The following CCDC171 variants were observed in gnomAD, a reference collection of about 807,000 sequenced individuals.
The protein encoded by CCDC171 is coiled-coil domain-containing protein 171.
In CCDC171, 177 loss-of-function variants were observed where a neutral mutation model predicts 168.2. The observed-to-expected ratio is 1.05, with a 90% CI of 0.93 to 1.19. The LOEUF (loss-of-function observed/expected upper bound fraction) is 1.19, where lower values mean the gene tolerates loss of function less well. Among genes scored for constraint, CCDC171 ranks in the 50% most tolerant of loss-of-function variants. The pLI is 0.00. For synonymous variants in CCDC171, 687 were observed against 540.8 expected (o/e 1.27, Z -3.75); for missense variants, 1,991 against 1,539.0 (o/e 1.29, Z -4.91).
At chr9:15,824,368 A>G (rs889374301) in intron 21 of CCDC171, among the ~76,000 whole-genome samples, 4 of 151,982 alleles carry the variant, frequency 2.6e-5, no homozygotes, top group Non-Finnish European at 5.9e-5. Flanking sequence ...ATATGTGTAT[A>G]TATATGTCTG....
intron 25 of CCDC171, among the ~76,000 whole-genome samples, chr9:15,965,564 C>G (rs1830712985): frequency 6.6e-6 from 1 of 152,216 alleles, no homozygotes; most frequent in South Asian, 2.1e-4. Flanking sequence ...CTGATTGAGT[C>G]ACTGTGAGAA....
At chr9:15,920,453 CTT>C in intron 25 of CCDC171, 31 bp downstream of exon 25, 1 of 1,478,478 alleles carries the variant, frequency 6.8e-7, no homozygotes, top group Non-Finnish European at 9.3e-7. Context: ...ATTTTTATAA[CTT>C]TTTGAATCTT....
intron 24 of CCDC171, among the ~76,000 whole-genome samples, chr9:15,908,149 TACTGGGTATATACCCAAA>T (rs1823006385): frequency 1.3e-5 from 2 of 151,754 alleles, no homozygotes; most frequent in Non-Finnish European, 2.9e-5. Context: ...GCCATCCCAT[TACTGGGTATATACCCAAA>T]GGACTATAAA....
chr9:15,868,251 C>G (rs2061874183), intron 23 of CCDC171, among the ~76,000 whole-genome samples: 1 of 152,028 alleles, frequency 6.6e-6, no homozygotes, highest in Middle Eastern at 3.2e-3. Flanking sequence ...TTACCTCCCA[C>G]TTTTCAAATT....
At chr9:15,836,816 C>G (rs1193347796) in intron 21 of CCDC171, among the ~76,000 whole-genome samples, 1 of 152,152 alleles carries the variant, frequency 6.6e-6, no homozygotes, top group African/African-American at 2.4e-5. Context: ...AGGACACCAC[C>G]GATTTACATC....
downstream of CCDC171, chr9:15,974,070 G>A (rs1330210254): frequency 3.9e-5 from 6 of 151,978 alleles, no homozygotes; most frequent in African/African-American, 1.5e-4. Flanking sequence ...GGTACATTTT[G>A]TACAGTGAAT....
At chr9:16,086,677 T>C in the CCDC171 span, among the ~76,000 whole-genome samples, 1 of 152,198 alleles carries the variant, frequency 6.6e-6, no homozygotes, top group Non-Finnish European at 1.5e-5. Context: ...CCTAGATTCA[T>C]TGAGTTTTTG....
intron 11 of CCDC171, among the ~76,000 whole-genome samples, chr9:15,697,489 T>C (rs968175052): frequency 5.9e-5 from 9 of 152,186 alleles, no homozygotes; most frequent in Non-Finnish European, 1.2e-4. Flanking sequence ...CTGGTTTCAT[T>C]CCTCCTATTG....
At chr9:15,945,699 T>C (rs1400453342) in intron 25 of CCDC171, among the ~76,000 whole-genome samples, 1 of 151,122 alleles carries the variant, frequency 6.6e-6, no homozygotes, top group Non-Finnish European at 1.5e-5. Flanking sequence ...TGTCTGTTCA[T>C]GTCCTTCACC....
intron 6 of CCDC171, among the ~76,000 whole-genome samples, chr9:16,024,304 A>T (rs1464490669): frequency 6.6e-6 from 1 of 152,198 alleles, no homozygotes; most frequent in Non-Finnish European, 1.5e-5. Flanking sequence ...CAATACCTTA[A>T]TCCTATCCTA....
chr9:16,106,297 A>G, the CCDC171 span, among the ~76,000 whole-genome samples: 1 of 152,216 alleles, frequency 6.6e-6, no homozygotes, highest in Non-Finnish European at 1.5e-5. Flanking sequence ...GGCAGCTGTC[A>G]TGGGGAGAAA....
At chr9:15,582,295 G>C (rs891989061) in intron 4 of CCDC171, among the ~76,000 whole-genome samples, 12 of 152,144 alleles carry the variant, frequency 7.9e-5, no homozygotes, top group African/African-American at 2.9e-4. Flanking sequence ...CTGGAGAGGA[G>C]ATGTGGAGAA....
chr9:15,635,548 A>G (rs1197995885), intron 7 of CCDC171, among the ~76,000 whole-genome samples: 1 of 152,162 alleles, frequency 6.6e-6, no homozygotes, highest in Admixed American at 6.6e-5. Context: ...CCATGCTGGC[A>G]GCTGATTAGA....
chr9:15,913,111 T>C (rs755610216), intron 24 of CCDC171, among the ~76,000 whole-genome samples: 3 of 152,256 alleles, frequency 2.0e-5, no homozygotes, highest in Non-Finnish European at 4.4e-5. Context: ...TCAGAAGGAA[T>C]GGTCCAGCTC....
intron 25 of CCDC171, among the ~76,000 whole-genome samples, chr9:15,926,497 T>G (rs1825911288): frequency 6.6e-6 from 1 of 151,624 alleles, no homozygotes; most frequent in East Asian, 1.9e-4. Context: ...TTGTTTTTGA[T>G]GCTCTTTCTT....
chr9:15,712,639 T>C (rs2052756084), intron 11 of CCDC171, among the ~76,000 whole-genome samples: 1 of 152,206 alleles, frequency 6.6e-6, no homozygotes, highest in Non-Finnish European at 1.5e-5. Flanking sequence ...TCTATCTTAG[T>C]AAGAATAAAG....
At chr9:15,690,486 G>T (rs1225271036) in intron 10 of CCDC171, among the ~76,000 whole-genome samples, 1 of 151,984 alleles carries the variant, frequency 6.6e-6, no homozygotes, top group Non-Finnish European at 1.5e-5. Flanking sequence ...ATGTTATAAT[G>T]ATAAGTAATA....
At chr9:15,982,625 T>TG (rs1291977648) in intron 3 of CCDC171, among the ~76,000 whole-genome samples, 5 of 152,078 alleles carry the variant, frequency 3.3e-5, no homozygotes, top group African/African-American at 4.8e-5. Context: ...CCTCTGTTCC[T>TG]GGGGGTGTCT....
intron 6 of CCDC171, among the ~76,000 whole-genome samples, chr9:15,608,152 A>G (rs1190353273): frequency 7.9e-5 from 12 of 152,100 alleles, no homozygotes; most frequent in Non-Finnish European, 1.5e-4. Flanking sequence ...CCATTAATCC[A>G]TGATTGGATT....
Sources: allele counts gnomAD v4.1 joint callset (sites outside exome capture counted in the v4.1 genomes callset), GRCh38; gene constraint gnomAD v4.1.1; transcripts MANE v1.5; gene names NCBI Gene and HGNC (gene_info 2026-07-23, HGNC 2026-07-21).